Variants in LAMA3 observed in about 807,000 individuals in gnomAD.
The protein encoded by LAMA3 is laminin subunit alpha-3.
A neutral mutation model predicts 402.0 loss-of-function variants in LAMA3; 281 were observed. The observed-to-expected ratio is 0.70, with a 90% CI of 0.63 to 0.77. The LOEUF is 0.77. Among genes scored for constraint, LAMA3 ranks in the 30% least tolerant of loss-of-function variants. The pLI, the probability that LAMA3 is intolerant of heterozygous loss-of-function variation, is 0.00. For missense variants in LAMA3, 3,840 were observed against 4,215.5 expected, an observed-to-expected ratio of 0.91 and a Z score of 2.47; for synonymous variants, 1,431 against 1,558.4, an observed-to-expected ratio of 0.92 and a Z score of 1.93.
intron 12 of LAMA3, among the ~76,000 whole-genome samples, chr18:23,794,988 G>T (rs1035693753): frequency 6.6e-6 from 1 of 152,098 alleles, no homozygotes; most frequent in Non-Finnish European, 1.5e-5. Context: ...ATTCCATCCA[G>T]TTAGAATTTG....
rs1410520118 is a variant in LAMA3 at position 23,816,413 on chromosome 18, A to G, written c.2073A>G (p.Ala691=). ...CQGCQCDIGG[A]LSSMCSGPSG... ...GGTGTCAGTGTGACATTGGTGGGGC[A>G]TTGTCCTCCATGTGCAGTGGGCCCT... Residue 691 remains alanine (A), a synonymous_variant, in exon 18 of 75, where the codon GCA becomes GCG. Transcript: ENST00000313654. 2 of 1,613,952 alleles carry G rather than the reference A, an allele frequency of 1.2e-6. No individual in the cohort carries two copies.
At chr18:23,821,340 G>C (rs2063281923) in intron 19 of LAMA3, among the ~76,000 whole-genome samples, 1 of 152,162 alleles carries the variant, frequency 6.6e-6, no homozygotes. Context: ...GAGTTCCTCA[G>C]TGTGGGTCAC....
intron 11 of LAMA3, among the ~76,000 whole-genome samples, chr18:23,783,393 G>A (rs1253547919): frequency 6.6e-6 from 1 of 152,128 alleles, no homozygotes; most frequent in Non-Finnish European, 1.5e-5. Flanking sequence ...TGGTCAGGGG[G>A]ACCTTCTGAG....
intron 12 of LAMA3, among the ~76,000 whole-genome samples, chr18:23,787,050 GA>G (rs746478759): frequency 6.6e-6 from 1 of 152,224 alleles, no homozygotes; most frequent in Non-Finnish European, 1.5e-5. Context: ...GGGAGGCCAA[GA>G]GGGGTGGATC....
At chr18:23,807,046 A>G (rs1353342097) in intron 12 of LAMA3, among the ~76,000 whole-genome samples, 2 of 152,212 alleles carry the variant, frequency 1.3e-5, no homozygotes, top group Non-Finnish European at 2.9e-5. Flanking sequence ...ATTTTTGTGT[A>G]TCTCTATTAC....
At chr18:23,756,464 C>CA (rs1221263162) in intron 6 of LAMA3, among the ~76,000 whole-genome samples, 9 of 146,056 alleles carry the variant, frequency 6.2e-5, no homozygotes, top group South Asian at 2.2e-4. Context: ...ACCCCCCCGC[C>CA]AAAAAAAACC....
rs1014628684 is a variant in LAMA3, at chr18:23,918,678, C to T, written c.7923+1983C>T. Among the ~76,000 whole-genome samples, 2 of 152,154 alleles carry T rather than the reference C, an allele frequency of 1.3e-5. No homozygotes were observed. The highest frequency in any genetic ancestry group is 2.9e-5 in the Non-Finnish European group (2 of 68,034). ...ATGTTTGCTGCTTTATACCTATAGC[C>T]GGCCTGGAGTTGAACCCTCCGGTGA... On this transcript the variant is annotated intron_variant, in intron 60 of 74. Transcript: ENST00000313654. The surrounding 1 kb of genome is among the most constrained non-coding windows in gnomAD (Gnocchi z 4.1).
At chr18:23,953,325 G>GTTTTTTTTTTTTTTTTTTTTTT (rs60412950) in intron 74 of LAMA3, among the ~76,000 whole-genome samples, 1 of 133,988 alleles carries the variant, frequency 7.5e-6, no homozygotes. Context: ...CTGTAATTTT[G>GTTTTTTTTTTTTTTTTTTTTTT]TTTTTTTTTT....
chr18:23,736,678 T>C (rs2061480517), intron 2 of LAMA3, among the ~76,000 whole-genome samples: 1 of 152,118 alleles, frequency 6.6e-6, no homozygotes, highest in African/African-American at 2.4e-5. Flanking sequence ...CCAATACTGA[T>C]TTTGGGGGAA....
intron 18 of LAMA3, among the ~76,000 whole-genome samples, chr18:23,818,584 T>A (rs1321636864): frequency 6.6e-6 from 1 of 152,244 alleles, no homozygotes; most frequent in Non-Finnish European, 1.5e-5. Flanking sequence ...AATTCACGTT[T>A]GCTTTATTTT....
chr18:23,895,108 G>T, intron 44 of LAMA3, 50 bp downstream of exon 44: 1 of 1,543,034 alleles, frequency 6.5e-7, no homozygotes, highest in Non-Finnish European at 8.7e-7. Context: ...GATGCTGCGG[G>T]AGTGGATTCT....
At chr18:23,910,522 G>C (rs1179473673) in intron 55 of LAMA3, among the ~76,000 whole-genome samples, 1 of 152,156 alleles carries the variant, frequency 6.6e-6, no homozygotes, top group African/African-American at 2.4e-5. Context: ...CTGAACTCAG[G>C]CTGCTCTCCA....
Position 23,907,643 on chromosome 18 carries a change from A to G in LAMA3, c.6812A>G (p.Asp2271Gly). 1 of 1,612,882 alleles carries G rather than the reference A, an allele frequency of 6.2e-7. No individual in the cohort carries two copies. Residue 2271 changes from aspartate to glycine, a missense_variant, in exon 53 of 75, where the codon GAT (aspartate) becomes GGT (glycine). Asp to Gly is a moderately conservative substitution (Grantham distance 94). Transcript: ENST00000313654. ...VIDTNLTTLR[D>G]GLHGIQRGDI... The stretch of plus-strand genomic sequence containing the variant: ...GACACCAATCTCACAACTCTCCGAG[A>G]TGGTCTTCATGGGATACAGAGAGGT...
chr18:23,810,755 T>TAC (rs759357634), intron 13 of LAMA3, among the ~76,000 whole-genome samples: 55 of 152,326 alleles, frequency 3.6e-4, no homozygotes, highest in Non-Finnish European at 5.7e-4. Flanking sequence ...CCATGTGCTA[T>TAC]ACATGTGGGT....
Position 23,689,959 on chromosome 18 carries a change from C to A in LAMA3, c.276C>A (p.Gly92=). Residue 92 remains glycine (G), a synonymous_variant, in exon 1 of 75, where the codon GGC becomes GGA. Transcript: ENST00000313654. Reference sequence around the variant, plus strand: ...TGGTCGGGGGCCCCACCGCCCCAGGCAGCGGCCACACCATCCAGGTGAGGG... The same window carrying A: ...TGGTCGGGGGCCCCACCGCCCCAGGAAGCGGCCACACCATCCAGGTGAGGG... ...CKLVGGPTAP[G]SGHTIQGQFC... 1 of 1,515,584 alleles carries A rather than the reference C, an allele frequency of 6.6e-7. No individual in the cohort carries two copies. The highest frequency in any genetic ancestry group is 8.8e-7 in the Non-Finnish European group (1 of 1,131,436). The allele number at this position is 1,515,584 out of a possible 1,614,324, so 93.9% of individuals were successfully genotyped here.
intron 62 of LAMA3, among the ~76,000 whole-genome samples, chr18:23,926,306 C>T (rs2082000804): frequency 6.6e-6 from 1 of 152,184 alleles, no homozygotes; most frequent in African/African-American, 2.4e-5. Context: ...TTTCTGCAAC[C>T]TTCTTTCTTT....
rs1196768484 is a variant in LAMA3 at position 23,951,749 on chromosome 18, G to GCTT, written c.9708_9709insCTT (p.Leu3236dup). The GCTT allele has an allele frequency of 6.2e-7, 1 of 1,613,990 alleles. No homozygotes were observed. Among genetic ancestry groups the GCTT allele is most frequent in the South Asian group, 1.1e-5 (1 of 91,070 alleles). ...CGTCGGTCACACCAAAGCAGTCTCT[G>GCTT]TGTGATGGACAGTGGCACTCGGTGG... On this transcript the variant is annotated inframe_insertion, in exon 73 of 75. Transcript: ENST00000313654.
At chr18:23,934,326 C>A (rs889001324) in intron 67 of LAMA3, among the ~76,000 whole-genome samples, 1 of 152,104 alleles carries the variant, frequency 6.6e-6, no homozygotes, top group Non-Finnish European at 1.5e-5. Flanking sequence ...TGACAAGATA[C>A]GTGGTGTACC....
At chr18:23,829,455 T>C (rs2063452286) in intron 23 of LAMA3, among the ~76,000 whole-genome samples, 1 of 152,208 alleles carries the variant, frequency 6.6e-6, no homozygotes, top group South Asian at 2.1e-4. Flanking sequence ...TTGTCTTAGC[T>C]GTCCACTGGA....
Sources: allele counts gnomAD v4.1 joint callset (sites outside exome capture counted in the v4.1 genomes callset), GRCh38; gene constraint gnomAD v4.1.1; non-coding constraint Gnocchi (gnomAD v3.1); transcripts MANE v1.5; gene names NCBI Gene and HGNC (gene_info 2026-07-23, HGNC 2026-07-21).